RGPD6: variants seen among roughly 807,000 people sequenced by gnomAD.
RGPD6 encodes the protein RANBP2 like and GRIP domain containing 6.
At chr2:110,596,964 AT>A in the RGPD6 span, among the ~76,000 whole-genome samples, 1 of 55,212 alleles carries the variant, frequency 1.8e-5, no homozygotes, top group African/African-American at 6.6e-5. Flanking sequence ...TATATATAAT[AT>A]ATATTATGTA....
chr2:110,603,909 T>C, the RGPD6 span, among the ~76,000 whole-genome samples: 4 of 150,984 alleles, frequency 2.6e-5, no homozygotes, highest in Admixed American at 6.6e-5. Flanking sequence ...ATTTAGTTCC[T>C]TGGATTGGGT....
chr2:110,605,336 T>C, the RGPD6 span, among the ~76,000 whole-genome samples: 1 of 151,224 alleles, frequency 6.6e-6, no homozygotes. Context: ...TGAGGGCCAA[T>C]GAGAGCCACG....
the RGPD6 span, among the ~76,000 whole-genome samples, chr2:110,596,615 A>T: frequency 0.014 from 1,894 of 135,216 alleles, 1 homozygote; most frequent in African/African-American, 0.039. Flanking sequence ...TTGTTACCAT[A>T]GTCTTCATCC....
chr2:110,593,197 A>T, the RGPD6 span, among the ~76,000 whole-genome samples: 1 of 148,196 alleles, frequency 6.7e-6, no homozygotes, highest in Non-Finnish European at 1.5e-5. Flanking sequence ...CATTTTACAA[A>T]TGAGAAAATG....
the RGPD6 span, among the ~76,000 whole-genome samples, chr2:110,607,220 C>CA: frequency 6.6e-6 from 1 of 150,896 alleles, no homozygotes; most frequent in East Asian, 1.9e-4. Flanking sequence ...CCTGTAAACT[C>CA]ACGGAATGCC....
At chr2:110,605,093 G>A in the RGPD6 span, among the ~76,000 whole-genome samples, 5 of 151,656 alleles carry the variant, frequency 3.3e-5, no homozygotes, top group African/African-American at 4.9e-5. Flanking sequence ...AGTTCTCGGC[G>A]CCCTGAACTA....
the RGPD6 span, among the ~76,000 whole-genome samples, chr2:110,610,760 C>T: frequency 3.1e-3 from 459 of 145,900 alleles, 8 homozygotes; most frequent in South Asian, 0.02. Flanking sequence ...TAAGTCGAAG[C>T]TGTCCATGGT....
the RGPD6 span, among the ~76,000 whole-genome samples, chr2:110,593,221 G>A: frequency 2.7e-5 from 4 of 148,008 alleles, no homozygotes; most frequent in Admixed American, 2.0e-4. Flanking sequence ...CTTTGGAGAA[G>A]GTAAAAACCT....
At chr2:110,601,098 C>A in the RGPD6 span, among the ~76,000 whole-genome samples, 3 of 149,608 alleles carry the variant, frequency 2.0e-5, no homozygotes, top group African/African-American at 7.3e-5. Flanking sequence ...AGTCTATGGC[C>A]AGTGAAGATA....
chr2:110,605,570 G>C, the RGPD6 span, among the ~76,000 whole-genome samples: 1 of 151,518 alleles, frequency 6.6e-6, no homozygotes, highest in African/African-American at 2.4e-5. Context: ...GGCACCTGAA[G>C]GTCAAGATCA....
chr2:110,607,294 T>C, the RGPD6 span, among the ~76,000 whole-genome samples: 1 of 151,610 alleles, frequency 6.6e-6, no homozygotes, highest in Non-Finnish European at 1.5e-5. Flanking sequence ...ACCTTCACCT[T>C]TTTCCAAGTT....
chr2:110,610,700 G>A, the RGPD6 span, among the ~76,000 whole-genome samples: 1 of 143,238 alleles, frequency 7.0e-6, no homozygotes, highest in African/African-American at 2.6e-5. Context: ...CGAAGCGGCC[G>A]GCACGGGGAC....
the RGPD6 span, chr2:110,610,808 G>GCCGCCA: frequency 9.2e-7 from 1 of 1,081,812 alleles, no homozygotes; most frequent in Non-Finnish European, 1.1e-6. Context: ...TGCCGCCGCT[G>GCCGCCA]CCGCCGCCGC....
chr2:110,601,377 C>G, the RGPD6 span, among the ~76,000 whole-genome samples: 1 of 148,954 alleles, frequency 6.7e-6, no homozygotes, highest in African/African-American at 2.5e-5. Flanking sequence ...CTTCTTGGGA[C>G]CCAACAGAGT....
chr2:110,608,634 G>A, the RGPD6 span, among the ~76,000 whole-genome samples: 1 of 74,036 alleles, frequency 1.4e-5, no homozygotes, highest in Admixed American at 1.5e-4. Flanking sequence ...TTTGTAAAAT[G>A]TAATTCTACA....
At chr2:110,601,073 T>C in the RGPD6 span, among the ~76,000 whole-genome samples, 1 of 151,552 alleles carries the variant, frequency 6.6e-6, no homozygotes, top group Non-Finnish European at 1.5e-5. Context: ...GAGCTTCTAT[T>C]TTAGTAAACT....
the RGPD6 span, among the ~76,000 whole-genome samples, chr2:110,596,985 A>G: frequency 1.4e-4 from 10 of 69,376 alleles, no homozygotes; most frequent in Admixed American, 1.4e-3. Flanking sequence ...ATATATATAT[A>G]TGTTTGTTTT....
the RGPD6 span, among the ~76,000 whole-genome samples, chr2:110,597,040 G>A: frequency 2.8e-4 from 27 of 97,892 alleles, no homozygotes; most frequent in Non-Finnish European, 4.3e-4. Context: ...ATGCAATGGC[G>A]CAATCTAGGC....
chr2:110,610,063 CA>C, the RGPD6 span, among the ~76,000 whole-genome samples: 2 of 139,810 alleles, frequency 1.4e-5, no homozygotes, highest in Non-Finnish European at 3.1e-5. Flanking sequence ...AGGAGGAGTG[CA>C]ACTGTGACGA....
Sources: allele counts gnomAD v4.1 joint callset (sites outside exome capture counted in the v4.1 genomes callset), GRCh38; gene constraint gnomAD v4.1.1; transcripts MANE v1.5; gene names NCBI Gene and HGNC (gene_info 2026-07-23, HGNC 2026-07-21).